Variants in NALCN observed in about 807,000 individuals in gnomAD.
NALCN encodes sodium leak channel NALCN.
A neutral mutation model predicts 225.3 loss-of-function variants in NALCN; 111 were observed. The observed-to-expected ratio is 0.49, with a 90% CI of 0.42 to 0.58. The LOEUF (loss-of-function observed/expected upper bound fraction) is 0.58. Among genes scored for constraint, NALCN ranks in the 20% least tolerant of loss-of-function variants. NALCN has a pLI of 0.00. For missense variants in NALCN, 1,378 were observed against 2,202.4 expected, an observed-to-expected ratio of 0.63 and a Z score of 7.49; for synonymous variants, 764 against 769.0, an observed-to-expected ratio of 0.99 and a Z score of 0.11.
Position 101,103,219 on chromosome 13 carries a change from T to A in NALCN, c.3010A>T (p.Arg1004Trp). 1 of 1,613,828 alleles carries A rather than the reference T, an allele frequency of 6.2e-7. No individual in the cohort carries two copies. The highest frequency in any genetic ancestry group is 8.5e-7 in the Non-Finnish European group (1 of 1,179,878). ...CTGAAAAGTTCTCGAACAACTTTCC[T>A]CATCTGGGGCACCAGTTTGAATATG... The part of the protein sequence containing the change: ...LRIFKLVPQM[R>W]KVVRELFSGF... Residue 1004 changes from arginine (R) to tryptophan (W), a missense_variant, in exon 26 of 44, where the codon AGG becomes TGG. Coordinates refer to ENST00000251127, the MANE Select transcript of NALCN (RefSeq NM_052867.4).
intron 7 of NALCN, among the ~76,000 whole-genome samples, chr13:101,305,076 G>C (rs1311450716): frequency 6.6e-6 from 1 of 152,182 alleles, no homozygotes; most frequent in South Asian, 2.1e-4. Flanking sequence ...AATTTTTAAA[G>C]AAAAAATTAT....
At chr13:101,331,832 C>T (rs1182016484) in intron 7 of NALCN, among the ~76,000 whole-genome samples, 1 of 152,164 alleles carries the variant, frequency 6.6e-6, no homozygotes, top group Non-Finnish European at 1.5e-5. Flanking sequence ...GCATGAACAA[C>T]AGCTGTGCCT....
intron 1 of NALCN, among the ~76,000 whole-genome samples, chr13:101,410,092 C>T (rs1377587926): frequency 6.6e-6 from 1 of 152,182 alleles, no homozygotes; most frequent in African/African-American, 2.4e-5. Flanking sequence ...TCTTAGTCTC[C>T]AGACTGTATA....
chr13:101,073,441 G>A (rs1449524747), intron 37 of NALCN, 143 bp downstream of exon 37: 5 of 603,288 alleles, frequency 8.3e-6, no homozygotes, highest in East Asian at 6.0e-5. Context: ...GTATAATAAT[G>A]CAATTTTATG....
At chr13:101,339,854 G>A (rs77650787) in intron 7 of NALCN, among the ~76,000 whole-genome samples, 4,786 of 152,238 alleles carry the variant, frequency 0.031, 258 homozygotes, top group African/African-American at 0.11. Flanking sequence ...GAGGGGAGGG[G>A]AATAATTGAT....
chr13:101,136,660 T>C (rs1197880955), intron 17 of NALCN, among the ~76,000 whole-genome samples: 2 of 152,250 alleles, frequency 1.3e-5, no homozygotes, highest in Non-Finnish European at 2.9e-5. Context: ...CTGCATAGTA[T>C]TCCATGGTGT....
At chr13:101,388,310 T>C (rs2047049471) in intron 3 of NALCN, among the ~76,000 whole-genome samples, 1 of 152,164 alleles carries the variant, frequency 6.6e-6, no homozygotes. Context: ...ATGTTAACAG[T>C]GCAATATTAC....
intron 15 of NALCN, among the ~76,000 whole-genome samples, chr13:101,165,053 G>A (rs537313331): frequency 6.6e-6 from 1 of 152,156 alleles, no homozygotes; most frequent in Non-Finnish European, 1.5e-5. Context: ...GTTCCCTGGA[G>A]CATCAGGAAT....
chr13:101,142,899 C>A (rs929556715), intron 17 of NALCN, 181 bp downstream of exon 17: 8 of 845,962 alleles, frequency 9.5e-6, no homozygotes, highest in Non-Finnish European at 1.4e-5. Context: ...CGGGCAAATG[C>A]AAAATTTCAA....
chr13:101,298,594 C>T (rs1038623042), intron 7 of NALCN, among the ~76,000 whole-genome samples: 24 of 152,120 alleles, frequency 1.6e-4, no homozygotes, highest in African/African-American at 5.8e-4. Context: ...AGTGCTAGAA[C>T]TGCTCCATAG....
In NALCN at chr13:101,326,143, G is replaced by A. The variant is rs1442287472; in HGVS notation, c.799+19123C>T. Among the ~76,000 whole-genome samples, 5 of 152,220 alleles carry A rather than the reference G, an allele frequency of 3.3e-5. No homozygotes were observed. The East Asian group carries it at 9.7e-4, about 29-fold the overall frequency. On this transcript the variant is annotated intron_variant, in intron 7 of 43. Transcript: ENST00000251127. ...AGACAAAAATTTAAGGACACAATTG[G>A]AGTTCTAAAACTTGAAACAAATCAG... is the stretch of plus-strand genomic sequence containing the variant.
intron 6 of NALCN, among the ~76,000 whole-genome samples, chr13:101,358,703 C>A (rs1402862058): frequency 6.6e-6 from 1 of 152,094 alleles, no homozygotes; most frequent in Non-Finnish European, 1.5e-5. Flanking sequence ...GGGTATACAC[C>A]CAAAAGAATA....
chr13:101,162,161 G>A (rs2038218114), intron 15 of NALCN, among the ~76,000 whole-genome samples: 1 of 152,156 alleles, frequency 6.6e-6, no homozygotes, highest in Admixed American at 6.5e-5. Context: ...TCTTCTACGA[G>A]TGTCTCTCCT....
At chr13:101,181,232 G>A (rs746895742) in intron 14 of NALCN, 41 of 518,806 alleles carry the variant, frequency 7.9e-5, no homozygotes, top group South Asian at 4.5e-4. Flanking sequence ...TGGTGAGTAA[G>A]TCTGGCCAGA....
intron 7 of NALCN, among the ~76,000 whole-genome samples, chr13:101,323,528 T>C (rs2044831109): frequency 6.6e-6 from 1 of 152,222 alleles, no homozygotes; most frequent in Non-Finnish European, 1.5e-5. Flanking sequence ...ATTTTAATAT[T>C]GTATTTCCTC....
intron 10 of NALCN, among the ~76,000 whole-genome samples, chr13:101,279,287 G>A (rs1423859280): frequency 6.6e-6 from 1 of 152,134 alleles, no homozygotes; most frequent in African/African-American, 2.4e-5. Context: ...TGTAGGAAGA[G>A]GAAACATTCT....
rs542520057 is a variant in NALCN at position 101,139,271 on chromosome 13, T to A, written c.2118+3809A>T. 2.4e-4 allele frequency among the ~76,000 whole-genome samples: 37 copies of A among 152,342 alleles called. No homozygotes were observed. The South Asian group carries it at 7.5e-3, about 31-fold the overall frequency. On this transcript the variant is annotated intron_variant, in intron 17 of 43. Coordinates refer to ENST00000251127, the MANE Select transcript of NALCN (RefSeq NM_052867.4). The stretch of plus-strand genomic sequence containing the variant: ...ATTACTGGGAGAAAATCTTGCCTAA[T>A]GTGCTTTTGTGTTTTCTGCAATGCT...
intron 11 of NALCN, among the ~76,000 whole-genome samples, chr13:101,249,208 T>A (rs2041990110): frequency 6.6e-6 from 1 of 152,114 alleles, no homozygotes; most frequent in Non-Finnish European, 1.5e-5. Context: ...TGTGAGACAT[T>A]AGTTAAAATT....
chr13:101,310,083 T>C (rs747588425), intron 7 of NALCN, among the ~76,000 whole-genome samples: 1 of 152,164 alleles, frequency 6.6e-6, no homozygotes, highest in Non-Finnish European at 1.5e-5. Flanking sequence ...CCTCCACTGC[T>C]ACCACCTTTG....
Sources: gnomAD v4.1 joint callset for allele counts (sites outside exome capture counted in the v4.1 genomes callset) on GRCh38, gnomAD v4.1.1 for gene constraint, MANE v1.5 for transcripts, NCBI Gene and HGNC (gene_info 2026-07-23, HGNC 2026-07-21) for gene names.